PLD1: variants seen among roughly 807,000 people sequenced by gnomAD.
The protein encoded by PLD1 is choline phosphatase 1.
In PLD1, 112 loss-of-function variants were observed where a neutral mutation model predicts 137.1. The ratio of observed to expected loss-of-function variants is 0.82; its 90% CI spans 0.70 to 0.96. The LOEUF (loss-of-function observed/expected upper bound fraction) is 0.96, where lower values mean the gene tolerates loss of function less well. PLD1 is among the 40% of genes least tolerant of loss of function. The pLI is 0.00. For missense variants in PLD1, 1,321 were observed against 1,342.0 expected, an observed-to-expected ratio of 0.98 and a Z score of 0.24; for synonymous variants, 431 against 454.7, an observed-to-expected ratio of 0.95 and a Z score of 0.66.
At chr3:171,625,859 C>T (rs963898655) in intron 23 of PLD1, among the ~76,000 whole-genome samples, 4 of 152,088 alleles carry the variant, frequency 2.6e-5, no homozygotes, top group African/African-American at 9.7e-5. Context: ...TGTACATCAC[C>T]ATCATCAAAG....
chr3:171,734,799 T>G, intron 5 of PLD1, 66 bp downstream of exon 5: 1 of 930,418 alleles, frequency 1.1e-6, no homozygotes, highest in South Asian at 1.4e-5. Flanking sequence ...CACCCCTCAG[T>G]AGATGCTGTG....
intron 1 of PLD1, among the ~76,000 whole-genome samples, chr3:171,754,850 A>G (rs914541435): frequency 6.6e-6 from 1 of 152,196 alleles, no homozygotes; most frequent in African/African-American, 2.4e-5. Context: ...GCTCCTTATT[A>G]AAACCAGGAA....
In PLD1 at chr3:171,676,703, AC is replaced by A. The variant is rs1560205987; in HGVS notation, c.2115+11del. 1.9e-6 allele frequency: 3 copies of A among 1,595,178 alleles called. No individual in the cohort carries two copies. Among genetic ancestry groups the A allele is most frequent in the Non-Finnish European group, 2.6e-6 (3 of 1,162,782 alleles). ...TTCATGTGGATAAATCATGATAGCA[AC>A]ATCCAAGTACTTTTGTGAAGTTCCA... On this transcript the variant is annotated intron_variant, in intron 18 of 26. Transcript: ENST00000351298.
In PLD1 at chr3:171,724,796, A is replaced by C; in HGVS notation, c.666-8T>G. On this transcript the variant is annotated splice_polypyrimidine_tract_variant and splice_region_variant and intron_variant, in intron 7 of 26. Coordinates refer to ENST00000351298, the MANE Select transcript of PLD1 (RefSeq NM_002662.5). ...TTCATTATCATACCTTCTCTGAAAG[A>C]GACAGAAAATTAACCCATCACCTTC... The C allele has an allele frequency of 6.4e-7, 1 of 1,573,090 alleles. No homozygotes were observed. Among genetic ancestry groups the C allele is most frequent in the East Asian group, 2.2e-5 (1 of 44,702 alleles).
At chr3:171,706,169 C>CTATCTAT in intron 11 of PLD1, among the ~76,000 whole-genome samples, 2 of 116,870 alleles carry the variant, frequency 1.7e-5, no homozygotes, top group Non-Finnish European at 3.6e-5. Context: ...TATCTATCTA[C>CTATCTAT]AACTGATATA....
intron 11 of PLD1, among the ~76,000 whole-genome samples, chr3:171,700,560 C>A (rs547195905): frequency 7.9e-5 from 12 of 152,216 alleles, no homozygotes; most frequent in Admixed American, 2.0e-4. Context: ...GATTGCCCAA[C>A]TTTAGACTTA....
chr3:171,759,686 T>G (rs141528769), intron 1 of PLD1, among the ~76,000 whole-genome samples: 499 of 152,374 alleles, frequency 3.3e-3, no homozygotes, highest in Non-Finnish European at 5.8e-3. Context: ...GTACGTGGCT[T>G]TGTGTTTATA....
Position 171,603,181 on chromosome 3 carries a change from CG to C in PLD1, c.3121del (p.Arg1041ValfsTer27). ...AAAGGGGAATTGCACCAAAAATCCA[CG>C]GATCTTCTTCAGTTCCTCCTCAGCT... is the stretch of plus-strand genomic sequence containing the variant. ...IRAEEELKKI[R>X]GFLVQFPFYF... is the part of the protein sequence containing the mutation. On this transcript the variant is annotated frameshift_variant, in exon 27 of 27. Transcript: ENST00000351298. LOFTEE classifies it high-confidence loss of function. 6.2e-7 allele frequency: 1 copy of C among 1,614,102 alleles called. No homozygotes were observed. The highest frequency in any genetic ancestry group is 8.5e-7 in the Non-Finnish European group (1 of 1,179,944).
intron 21 of PLD1, among the ~76,000 whole-genome samples, chr3:171,647,143 T>A (rs1217958144): frequency 6.6e-6 from 1 of 152,224 alleles, no homozygotes; most frequent in Non-Finnish European, 1.5e-5. Context: ...ACAGGATGCC[T>A]GCCCACATAT....
chr3:171,764,433 C>T (rs191847268), intron 1 of PLD1, among the ~76,000 whole-genome samples: 17 of 152,222 alleles, frequency 1.1e-4, no homozygotes, highest in South Asian at 4.1e-4. Context: ...TATAAGGCAA[C>T]GAAGTTGAGT....
rs111247369 is a variant in PLD1 at position 171,768,768 on chromosome 3, G to A, written c.-31-30686C>T. ...GAAAATTGGCATCACGCCCTTCTGG[G>A]TCACAGCGAGGTCCATAAACCATCT... On this transcript the variant is annotated intron_variant, in intron 1 of 26. Transcript: ENST00000351298. Among the ~76,000 whole-genome samples the A allele has an allele frequency of 1.7e-3, 261 of 152,318 alleles. 3 individuals carry two copies. The highest frequency in any genetic ancestry group is 0.017 in the South Asian group (82 of 4,830).
chr3:171,719,628 A>G (rs931507882), intron 8 of PLD1, among the ~76,000 whole-genome samples: 1 of 152,262 alleles, frequency 6.6e-6, no homozygotes, highest in Non-Finnish European at 1.5e-5. Flanking sequence ...GGCAAAAACC[A>G]CAATTACTTT....
At chr3:171,709,447 A>T in intron 10 of PLD1, 113 bp downstream of exon 10, 2 of 763,180 alleles carry the variant, frequency 2.6e-6, no homozygotes, top group Non-Finnish European at 4.2e-6. Flanking sequence ...AGCCCTTGTT[A>T]AGTATAATGC....
At chr3:171,727,784 T>C (rs1011962491) in intron 6 of PLD1, among the ~76,000 whole-genome samples, 3 of 152,182 alleles carry the variant, frequency 2.0e-5, no homozygotes, top group African/African-American at 7.2e-5. Flanking sequence ...AAGTTTTCCA[T>C]GTAAGTTTTA....
chr3:171,710,622 C>T (rs1020166847), intron 9 of PLD1, among the ~76,000 whole-genome samples: 1 of 152,154 alleles, frequency 6.6e-6, no homozygotes. Flanking sequence ...GGCCCAGTTC[C>T]GAACAGGACA....
Position 171,767,233 on chromosome 3 carries a change from G to A in PLD1, c.-31-29151C>T, listed in dbSNP as rs551237789. On this transcript the variant is annotated intron_variant, in intron 1 of 26. Coordinates refer to ENST00000351298, the MANE Select transcript of PLD1 (RefSeq NM_002662.5). ...TAAAAGACAGTATTCAATGCAGTGG[G>A]CTATTCTCCATACGGCCTGGCCACT... Among the ~76,000 whole-genome samples the A allele has an allele frequency of 4.6e-5, 7 of 152,304 alleles. No homozygotes were observed. In the South Asian group the frequency reaches 1.0e-3, roughly 23 times the overall value.
At chr3:171,753,226 G>A (rs184548954) in intron 1 of PLD1, among the ~76,000 whole-genome samples, 2 of 152,336 alleles carry the variant, frequency 1.3e-5, no homozygotes, top group South Asian at 2.1e-4. Flanking sequence ...TTGTTCAACC[G>A]CTGCTCCTAT....
intron 1 of PLD1, among the ~76,000 whole-genome samples, chr3:171,764,572 TAA>T (rs1193740724): frequency 6.6e-6 from 1 of 151,964 alleles, no homozygotes; most frequent in Admixed American, 6.6e-5. Flanking sequence ...TTTGAAAAGT[TAA>T]AGAGTTAGAC....
chr3:171,799,261 C>A (rs751697053), intron 1 of PLD1, among the ~76,000 whole-genome samples: 4 of 144,182 alleles, frequency 2.8e-5, no homozygotes, highest in Non-Finnish European at 6.0e-5. Context: ...ATTGCTTGAA[C>A]CCAGGCGGTG....
Sources: allele counts gnomAD v4.1 joint callset (sites outside exome capture counted in the v4.1 genomes callset), GRCh38; gene constraint gnomAD v4.1.1; transcripts MANE v1.5; gene names NCBI Gene and HGNC (gene_info 2026-07-23, HGNC 2026-07-21).